The following ARHGAP24 variants were observed in gnomAD, a reference collection of about 807,000 sequenced individuals.
ARHGAP24 encodes the protein Rho GTPase activating protein 24.
A neutral mutation model predicts 76.4 loss-of-function variants in ARHGAP24; 50 were observed. That is an observed-to-expected ratio of 0.65 (90% CI 0.52 to 0.83). The LOEUF is 0.83. Ranked by LOEUF, ARHGAP24 falls within the 40% of genes least tolerant of loss-of-function variation. The pLI is 0.00. For missense variants in ARHGAP24, 930 were observed against 914.2 expected (o/e 1.02, Z -0.22); for synonymous variants, 345 against 323.3 (o/e 1.07, Z -0.72).
At chr4:85,810,746 A>T (rs1240890099) in intron 3 of ARHGAP24, among the ~76,000 whole-genome samples, 3 of 152,114 alleles carry the variant, frequency 2.0e-5, no homozygotes, top group African/African-American at 4.8e-5. Context: ...CAATCAAATT[A>T]AAAAAAAGTT....
At chr4:85,957,503 G>A (rs1737984771) in intron 5 of ARHGAP24, among the ~76,000 whole-genome samples, 1 of 152,150 alleles carries the variant, frequency 6.6e-6, no homozygotes, top group South Asian at 2.1e-4. Flanking sequence ...TTTCCCAACT[G>A]ATGCTTCCTC....
intron 2 of ARHGAP24, among the ~76,000 whole-genome samples, chr4:85,687,838 T>C (rs1337661830): frequency 1.3e-5 from 2 of 151,456 alleles, no homozygotes; most frequent in Non-Finnish European, 2.9e-5. Flanking sequence ...TAAAACAGAG[T>C]TTTGCTTTTA....
chr4:85,840,508 C>T (rs1459693738), intron 3 of ARHGAP24, among the ~76,000 whole-genome samples: 3 of 152,188 alleles, frequency 2.0e-5, no homozygotes, highest in East Asian at 1.9e-4. Context: ...CCACTCTACA[C>T]GTGCCATGTC....
Position 85,994,868 on chromosome 4 carries a change from A to G in ARHGAP24, c.1214A>G (p.Asn405Ser), listed in dbSNP as rs1186487124. 1.9e-6 allele frequency: 3 copies of G among 1,614,120 alleles called. No individual in the cohort carries two copies. In the Admixed American group the frequency reaches 5.0e-5, roughly 27 times the overall value. Residue 405 changes from asparagine to serine, a missense_variant, in exon 9 of 10, where the codon AAC becomes AGC. Physicochemically the swap from Asn to Ser is conservative, Grantham distance 46. Coordinates refer to ENST00000395184, the MANE Select transcript of ARHGAP24 (RefSeq NM_001025616.3). ...LSGSKTNSPK[N>S]SVHKLDVSRS... ...GGCAGCAAAACCAACAGCCCAAAGAACAGTGTTCACAAGCTAGATGTGTCT... is the reference window on the plus strand; with the variant it reads ...GGCAGCAAAACCAACAGCCCAAAGAGCAGTGTTCACAAGCTAGATGTGTCT...
At chr4:85,527,826 T>G (rs944778255) in intron 1 of ARHGAP24, among the ~76,000 whole-genome samples, 2 of 152,112 alleles carry the variant, frequency 1.3e-5, no homozygotes, top group Admixed American at 1.3e-4. Flanking sequence ...ATGTGCAGAA[T>G]CCTCTCATTT....
At chr4:85,584,142 C>T (rs1338222412) in intron 2 of ARHGAP24, among the ~76,000 whole-genome samples, 3 of 151,660 alleles carry the variant, frequency 2.0e-5, no homozygotes, top group South Asian at 4.2e-4. Context: ...CACATGCACA[C>T]GTATGTTTAT....
At chr4:85,769,316 T>C (rs1450405868) in intron 3 of ARHGAP24, among the ~76,000 whole-genome samples, 2 of 152,326 alleles carry the variant, frequency 1.3e-5, no homozygotes, top group East Asian at 3.9e-4. Context: ...TAGTAATGTA[T>C]CATTGCACTT....
At chr4:85,639,942 G>C (rs1210502893) in intron 2 of ARHGAP24, among the ~76,000 whole-genome samples, 1 of 152,102 alleles carries the variant, frequency 6.6e-6, no homozygotes, top group Admixed American at 6.6e-5. Context: ...ATTTCTGTGT[G>C]TTAACCATGT....
At position 85,576,410 on chromosome 4, in the gene ARHGAP24, A is replaced by G. The variant is rs150423646; in HGVS notation, c.180+5689A>G. ...GCGCCACTGCACTCCAGCCTGGGCG[A>G]CAGAGCGAGACTCCATCTCAAAAAA... On this transcript the variant is annotated intron_variant, in intron 2 of 9. Transcript: ENST00000395184. 3.0e-3 allele frequency among the ~76,000 whole-genome samples: 455 copies of G among 152,016 alleles called. 2 individuals are homozygous for G. Among genetic ancestry groups the G allele is most frequent in the African/African-American group, 0.01 (431 of 41,410 alleles).
chr4:85,605,053 A>G (rs1374137420), intron 2 of ARHGAP24, among the ~76,000 whole-genome samples: 1 of 152,188 alleles, frequency 6.6e-6, no homozygotes, highest in Non-Finnish European at 1.5e-5. Flanking sequence ...GAACATTTAC[A>G]TATACACACA....
chr4:85,825,117 A>AAAAAG (rs752552974), intron 3 of ARHGAP24, among the ~76,000 whole-genome samples: 7 of 152,278 alleles, frequency 4.6e-5, no homozygotes, highest in African/African-American at 9.6e-5. Context: ...CAAAACAAAA[A>AAAAAG]AAAAGAAAAG....
intron 2 of ARHGAP24, among the ~76,000 whole-genome samples, chr4:85,706,857 C>T (rs924146920): frequency 3.3e-5 from 5 of 152,104 alleles, no homozygotes; most frequent in Admixed American, 1.3e-4. Flanking sequence ...AGCCACTGCA[C>T]CCAGCCAAAA....
chr4:85,596,537 G>A (rs1238767486), intron 2 of ARHGAP24, among the ~76,000 whole-genome samples: 1 of 151,882 alleles, frequency 6.6e-6, no homozygotes, highest in Non-Finnish European at 1.5e-5. Flanking sequence ...ATTCTTTTCT[G>A]GCTTAGCTTG....
chr4:85,587,877 T>C (rs570118167), intron 2 of ARHGAP24, among the ~76,000 whole-genome samples: 1 of 152,310 alleles, frequency 6.6e-6, no homozygotes, highest in South Asian at 2.1e-4. Context: ...AGACAGCCAT[T>C]TAACAAGTAA....
chr4:85,663,104 C>T (rs187604845), intron 2 of ARHGAP24, among the ~76,000 whole-genome samples: 4,705 of 151,536 alleles, frequency 0.031, 196 homozygotes, highest in African/African-American at 0.099. Flanking sequence ...TAAATTACCT[C>T]GGGCAGTGTG....
chr4:85,493,909 T>C (rs1019483773), intron 1 of ARHGAP24, among the ~76,000 whole-genome samples: 1 of 152,242 alleles, frequency 6.6e-6, no homozygotes, highest in Non-Finnish European at 1.5e-5. Context: ...GTACAATATT[T>C]AGCCTTAGAA....
chr4:85,868,858 A>T (rs1732356843), intron 3 of ARHGAP24, among the ~76,000 whole-genome samples: 1 of 152,136 alleles, frequency 6.6e-6, no homozygotes, highest in South Asian at 2.1e-4. Context: ...AAGATGTTGT[A>T]CCTACTCATT....
chr4:85,540,134 CT>C (rs1420746686), intron 1 of ARHGAP24, among the ~76,000 whole-genome samples: 3 of 151,798 alleles, frequency 2.0e-5, no homozygotes, highest in African/African-American at 4.8e-5. Flanking sequence ...TTTTAAACCA[CT>C]CATCACATTA....
chr4:85,667,082 C>T (rs923248466), intron 2 of ARHGAP24, among the ~76,000 whole-genome samples: 1 of 152,212 alleles, frequency 6.6e-6, no homozygotes, highest in Non-Finnish European at 1.5e-5. Context: ...TTTTGTTTGT[C>T]TGTGCCCTGC....
Sources: gnomAD v4.1 joint callset for allele counts (sites outside exome capture counted in the v4.1 genomes callset) on GRCh38, gnomAD v4.1.1 for gene constraint, MANE v1.5 for transcripts, NCBI Gene and HGNC (gene_info 2026-07-23, HGNC 2026-07-21) for gene names.